CADM2: variants seen among roughly 807,000 people sequenced by gnomAD.
CADM2 encodes the protein cell adhesion molecule 2.
Under a neutral mutation model 49.8 loss-of-function variants are expected in CADM2, and 12 were observed. The ratio of observed to expected loss-of-function variants is 0.24; its 90% CI spans 0.15 to 0.39. The LOEUF is 0.39. Among genes scored for constraint, CADM2 ranks in the 10% least tolerant of loss-of-function variants. CADM2 has a pLI of 1.00. For missense variants in CADM2, 378 were observed against 492.3 expected, an observed-to-expected ratio of 0.77 and a Z score of 2.20; for synonymous variants, 214 against 175.4, an observed-to-expected ratio of 1.22 and a Z score of -1.74.
At chr3:84,982,737 A>ATATG (rs1553663805) in intron 1 of CADM2, among the ~76,000 whole-genome samples, 3 of 115,366 alleles carry the variant, frequency 2.6e-5, no homozygotes, top group Admixed American at 9.6e-5. Context: ...ATATATATAC[A>ATATG]TTTTTTGTTT....
rs546780517 is a variant in CADM2 at position 85,169,896 on chromosome 3, C to G, written c.61+210228C>G. ...CTCATCAAACCACAGACCATGATAC[C>G]ACTATTTTAATGTGAAAACTTTTTG... On this transcript the variant is annotated intron_variant, in intron 1 of 9. Transcript: ENST00000383699. Among the ~76,000 whole-genome samples, 6 of 152,192 alleles carry G rather than the reference C, an allele frequency of 3.9e-5. No homozygotes were observed. In the East Asian group the frequency reaches 1.2e-3, roughly 29 times the overall value.
rs187101839 is a variant in CADM2, at chr3:85,347,477, C to G, written c.62-379045C>G. On this transcript the variant is annotated intron_variant, in intron 1 of 9. Transcript: ENST00000383699. ...TAACGAACATATTTGTTCAAACTCT[C>G]AAGCTCAAATTTCATATATATATAA... Among the ~76,000 whole-genome samples, 400 of 147,134 alleles carry G rather than the reference C, an allele frequency of 2.7e-3. 1 individual carries two copies. In the Middle Eastern group the frequency reaches 0.04, roughly 15 times the overall value.
intron 3 of CADM2, among the ~76,000 whole-genome samples, chr3:85,881,853 G>C (rs1286663356): frequency 6.6e-6 from 1 of 152,124 alleles, no homozygotes; most frequent in African/African-American, 2.4e-5. Context: ...GAAATTGTTT[G>C]ATCTCAAATC....
chr3:85,033,658 G>C (rs924202439), intron 1 of CADM2, among the ~76,000 whole-genome samples: 1 of 152,136 alleles, frequency 6.6e-6, no homozygotes, highest in African/African-American at 2.4e-5. Context: ...AGTAGAGAAA[G>C]GAGTGAGAGA....
intron 3 of CADM2, among the ~76,000 whole-genome samples, chr3:85,844,404 C>T (rs972912442): frequency 4.0e-5 from 6 of 151,636 alleles, no homozygotes; most frequent in Non-Finnish European, 7.4e-5. Flanking sequence ...TTTAAATTTC[C>T]GTAGGAAATA....
chr3:85,089,122 G>T (rs756080452), intron 1 of CADM2, among the ~76,000 whole-genome samples: 1 of 150,488 alleles, frequency 6.6e-6, no homozygotes, highest in East Asian at 1.9e-4. Flanking sequence ...AAATTTATTC[G>T]GCAGTATTTA....
At position 85,042,772 on chromosome 3, in the gene CADM2, G is replaced by A. The variant is rs532551734; in HGVS notation, c.61+83104G>A. ...CAACTTTCCTGGTGATGTAAGAAAG[G>A]TATTATAAAATGGTGTAGGGAGGAG... On this transcript the variant is annotated intron_variant, in intron 1 of 9. Transcript: ENST00000383699. Among the ~76,000 whole-genome samples the A allele has an allele frequency of 3.3e-5, 5 of 152,212 alleles. No individual in the cohort carries two copies. In the East Asian group the frequency reaches 9.7e-4, roughly 29 times the overall value.
intron 1 of CADM2, among the ~76,000 whole-genome samples, chr3:85,604,965 G>C (rs1160251117): frequency 6.6e-6 from 1 of 151,994 alleles, no homozygotes. Flanking sequence ...GTTTCATTTT[G>C]TGGAATTTAA....
chr3:85,817,449 A>C (rs2073279819), intron 3 of CADM2, among the ~76,000 whole-genome samples: 1 of 152,170 alleles, frequency 6.6e-6, no homozygotes, highest in Non-Finnish European at 1.5e-5. Flanking sequence ...AGTGAGATTG[A>C]ATGGGCTATC....
At chr3:85,564,167 T>TTCTCTCTCTCTC (rs3086193) in intron 1 of CADM2, among the ~76,000 whole-genome samples, 112 of 149,686 alleles carry the variant, frequency 7.5e-4, no homozygotes, top group Admixed American at 2.9e-3. Flanking sequence ...GAAAGCATGA[T>TTCTCTCTCTCTC]TCTCTCTCTC....
At chr3:85,320,297 T>C (rs1470009476) in intron 1 of CADM2, among the ~76,000 whole-genome samples, 4 of 152,182 alleles carry the variant, frequency 2.6e-5, no homozygotes, top group Non-Finnish European at 5.9e-5. Flanking sequence ...TTAAAGCAAA[T>C]ACTGATCAAG....
chr3:85,762,190 A>C (rs565113659), intron 2 of CADM2, among the ~76,000 whole-genome samples: 6 of 152,238 alleles, frequency 3.9e-5, no homozygotes, highest in African/African-American at 1.4e-4. Context: ...GGGAGATAGG[A>C]GAGTTTGTGA....
intron 1 of CADM2, among the ~76,000 whole-genome samples, chr3:85,269,604 T>G (rs1012429580): frequency 1.9e-4 from 29 of 151,298 alleles, no homozygotes; most frequent in Non-Finnish European, 2.4e-4. Flanking sequence ...TATAGTTAGT[T>G]TAACATTTCC....
intron 3 of CADM2, among the ~76,000 whole-genome samples, chr3:85,806,782 A>C (rs2072457656): frequency 6.6e-6 from 1 of 151,672 alleles, no homozygotes; most frequent in Non-Finnish European, 1.5e-5. Flanking sequence ...CAAAAAGTGA[A>C]TATTCGGGAA....
intron 6 of CADM2, among the ~76,000 whole-genome samples, chr3:85,928,252 G>A (rs1302515748): frequency 6.6e-6 from 1 of 150,730 alleles, no homozygotes; most frequent in African/African-American, 2.4e-5. Context: ...TCCGCCTCCC[G>A]GGTTCAAGTG....
chr3:85,982,067 T>C (rs907804480), intron 8 of CADM2, among the ~76,000 whole-genome samples: 5 of 151,756 alleles, frequency 3.3e-5, no homozygotes, highest in Non-Finnish European at 5.9e-5. Context: ...TAAGAAGGTA[T>C]TTCATTGCGG....
intron 1 of CADM2, among the ~76,000 whole-genome samples, chr3:85,672,360 T>G (rs1448410454): frequency 2.0e-5 from 3 of 151,906 alleles, no homozygotes; most frequent in Non-Finnish European, 4.4e-5. Context: ...GCCTGACTAA[T>G]TTTTTGTATT....
At chr3:85,776,684 G>T (rs1241304642) in intron 2 of CADM2, among the ~76,000 whole-genome samples, 1 of 151,810 alleles carries the variant, frequency 6.6e-6, no homozygotes, top group African/African-American at 2.4e-5. Flanking sequence ...ATATATTTTT[G>T]TGCACCACAG....
At chr3:85,006,541 T>A (rs1297527951) in intron 1 of CADM2, among the ~76,000 whole-genome samples, 1 of 152,192 alleles carries the variant, frequency 6.6e-6, no homozygotes, top group Non-Finnish European at 1.5e-5. Flanking sequence ...AGAATGCAAT[T>A]CTTATACCTA....
Sources: allele counts gnomAD v4.1 joint callset (sites outside exome capture counted in the v4.1 genomes callset), GRCh38; gene constraint gnomAD v4.1.1; transcripts MANE v1.5; gene names NCBI Gene and HGNC (gene_info 2026-07-23, HGNC 2026-07-21).